AMER3: variants seen among roughly 807,000 people sequenced by gnomAD.
The protein encoded by AMER3 is family with sequence similarity 123C.
For missense variants in AMER3, 1,201 were observed against 1,139.4 expected (o/e 1.05, Z -0.78); for synonymous variants, 541 against 485.5 (o/e 1.11, Z -1.50).
rs953700163 is a variant in AMER3, at chr2:130,765,599, C to A, written c.*941C>A. Reference sequence around the variant, plus strand: ...TATACACACGCACAATGCTTACACACACAGTCAACCTGGGATGCCGGCAGG... The same window carrying A: ...TATACACACGCACAATGCTTACACAAACAGTCAACCTGGGATGCCGGCAGG... On this transcript the variant is annotated 3_prime_UTR_variant, in exon 2 of 2. Coordinates refer to ENST00000321420, the MANE Select transcript of AMER3 (RefSeq NM_152698.3). 1 of 166,984 alleles carries A rather than the reference C, an allele frequency of 6.0e-6. No individual in the cohort carries two copies. Among genetic ancestry groups the A allele is most frequent in the African/African-American group, 2.4e-5 (1 of 41,428 alleles). 10.3% of individuals were successfully genotyped at this position (166,984 alleles called of 1,614,324 possible).
Position 130,764,218 on chromosome 2 carries a change from A to G in AMER3, c.2146A>G (p.Met716Val), listed in dbSNP as rs758476951. The change falls in exon 2 of 2, where the codon ATG (methionine) becomes GTG (valine). Residue 716 changes from methionine (M) to valine (V), a missense_variant. Transcript: ENST00000321420. ...GCAGCGCTGGGCCAGGGGCCCTGAC[A>G]TGCTGGAGCAGAAACAGTCCAGCAG... is the stretch of plus-strand genomic sequence containing the variant. ...FGQRWARGPDMLEQKQSSSSP... is the reference protein window; with the variant it reads ...FGQRWARGPDVLEQKQSSSSP... The G allele has an allele frequency of 4.3e-6, 7 of 1,609,434 alleles. No homozygotes were observed. In the East Asian group the frequency reaches 1.3e-4, roughly 31 times the overall value.
intron 1 of AMER3, among the ~76,000 whole-genome samples, chr2:130,760,388 C>T (rs1440678132): frequency 6.6e-6 from 1 of 152,346 alleles, no homozygotes; most frequent in South Asian, 2.1e-4. Flanking sequence ...AGTCCCTCGC[C>T]CCCCTGGGTC....
Position 130,762,431 on chromosome 2 carries a change from C to A in AMER3, c.359C>A (p.Ser120Tyr). The A allele has an allele frequency of 1.2e-6, 2 of 1,612,706 alleles. No individual in the cohort carries two copies. Among genetic ancestry groups the A allele is most frequent in the Admixed American group, 3.3e-5 (2 of 60,024 alleles). The stretch of plus-strand genomic sequence containing the variant: ...GTGGGCAGTGCAAGCTTCCCGGGCT[C>A]CCCGGGCAGCCGGCGCATGATCGAC... The part of the protein sequence containing the change: ...QLVGSASFPG[S>Y]PGSRRMIDYR... The change falls in exon 2 of 2, where the codon TCC becomes TAC. Residue 120 changes from serine (S) to tyrosine (Y), a missense_variant. Coordinates refer to ENST00000321420, the MANE Select transcript of AMER3 (RefSeq NM_152698.3).
At position 130,762,325 on chromosome 2, in the gene AMER3, A is replaced by T; in HGVS notation, c.253A>T (p.Thr85Ser). The stretch of plus-strand genomic sequence containing the variant: ...GGGACCCGCAGCCCTCTGTGGAGCC[A>T]CCTTCAAACCGGTGCGAAAGTGCAA... The part of the protein sequence containing the change: ...KGGPAALCGA[T>S]FKPVRKCKTH... Residue 85 changes from threonine (T) to serine (S), a missense_variant, in exon 2 of 2, where the codon ACC (threonine) becomes TCC (serine). By Grantham distance (58) the Thr-to-Ser change is moderately conservative. Coordinates refer to ENST00000321420, the MANE Select transcript of AMER3 (RefSeq NM_152698.3). 1 of 1,609,482 alleles carries T rather than the reference A, an allele frequency of 6.2e-7. No individual in the cohort carries two copies. The highest frequency in any genetic ancestry group is 8.5e-7 in the Non-Finnish European group (1 of 1,178,498).
At position 130,762,034 on chromosome 2, in the gene AMER3, C is replaced by T. The variant is rs1338177402; in HGVS notation, c.-19-20C>T. The T allele has an allele frequency of 5.7e-6, 9 of 1,589,802 alleles. No homozygotes were observed. The East Asian group carries it at 1.6e-4, about 28-fold the overall frequency. The stretch of plus-strand genomic sequence containing the variant: ...GCCCTCCCGTCTATGATACTGAGTG[C>T]CTCCTGCTTTCCTCCACAGCAGCTG... On this transcript the variant is annotated intron_variant, in intron 1 of 1. Coordinates refer to ENST00000321420, the MANE Select transcript of AMER3 (RefSeq NM_152698.3).
In AMER3 at chr2:130,764,347, C is replaced by A. The variant is rs1300776456; in HGVS notation, c.2275C>A (p.Pro759Thr). The stretch of plus-strand genomic sequence containing the variant: ...GGACCTGAGCTGGCTCAGGGTGGAG[C>A]CCACCGGGCTAGGTGTCCAGGCCTG... ...VQDLSWLRVE[P>T]TGLGVQAWAS... The change falls in exon 2 of 2, where the codon CCC becomes ACC. Residue 759 changes from proline to threonine, a missense_variant. Transcript: ENST00000321420. 6.2e-7 allele frequency: 1 copy of A among 1,610,262 alleles called. No homozygotes were observed. The highest frequency in any genetic ancestry group is 8.5e-7 in the Non-Finnish European group (1 of 1,177,598).
chr2:130,763,217 C>T lies in AMER3; in HGVS notation c.1145C>T (p.Thr382Ile). The change falls in exon 2 of 2, where the codon ACA (threonine) becomes ATA (isoleucine). Residue 382 changes from threonine (T) to isoleucine (I), a missense_variant. Transcript: ENST00000321420. ...AGCGAGCAGCCCGAATCCGTGTCCA[C>T]AAGTGACGAGGGCTACTATGATTCC... is the stretch of plus-strand genomic sequence containing the variant. ...PKSEQPESVS[T>I]SDEGYYDSFS... The T allele has an allele frequency of 6.2e-7, 1 of 1,613,856 alleles. No individual in the cohort carries two copies. Among genetic ancestry groups the T allele is most frequent in the Non-Finnish European group, 8.5e-7 (1 of 1,180,018 alleles).
In AMER3 at chr2:130,759,104, C is replaced by A. The variant is rs6761750; in HGVS notation, c.-19-2950C>A. 7.0e-3 allele frequency among the ~76,000 whole-genome samples: 1,069 copies of A among 152,338 alleles called. 14 individuals are homozygous for A. Among genetic ancestry groups the A allele is most frequent in the African/African-American group, 0.025 (1,020 of 41,568 alleles). On this transcript the variant is annotated intron_variant, in intron 1 of 1. Coordinates refer to ENST00000321420, the MANE Select transcript of AMER3 (RefSeq NM_152698.3). The stretch of plus-strand genomic sequence containing the variant: ...ATATGGATTTGGACTGGACCGAACA[C>A]AGACTAGAGTTCATGGGATGCTCCA...
chr2:130,756,095 C>G (rs1229895905), intron 1 of AMER3, among the ~76,000 whole-genome samples: 1 of 150,798 alleles, frequency 6.6e-6, no homozygotes, highest in African/African-American at 2.4e-5. Context: ...CGCAGGGAGG[C>G]GGCAGCCTGG....
intron 1 of AMER3, among the ~76,000 whole-genome samples, chr2:130,759,167 C>T (rs1339496628): frequency 3.9e-5 from 6 of 152,234 alleles, no homozygotes; most frequent in African/African-American, 9.6e-5. Flanking sequence ...CTGTATCCTA[C>T]ACTTATTGTC....
chr2:130,758,175 T>C (rs887267707), intron 1 of AMER3, among the ~76,000 whole-genome samples: 1 of 145,896 alleles, frequency 6.9e-6, no homozygotes, highest in African/African-American at 2.6e-5. Context: ...CTGGCCAACA[T>C]GATGAAACCC....
In AMER3 at chr2:130,763,750, T is replaced by G. The variant is rs373003700; in HGVS notation, c.1678T>G (p.Cys560Gly). Residue 560 changes from cysteine to glycine, a missense_variant, in exon 2 of 2, where the codon TGC becomes GGC. Cys to Gly is a radical substitution (Grantham distance 159). Transcript: ENST00000321420. ...LASDAGGATVCSAPSRQELWA... is the reference protein window; with the variant it reads ...LASDAGGATVGSAPSRQELWA... ...CTCAGATGCAGGGGGGGCGACAGTTTGCTCAGCACCCAGCAGGCAGGAGCT... is the reference window on the plus strand; with the variant it reads ...CTCAGATGCAGGGGGGGCGACAGTTGGCTCAGCACCCAGCAGGCAGGAGCT... The G allele has an allele frequency of 3.2e-5, 51 of 1,589,250 alleles. No homozygotes were observed. The highest frequency in any genetic ancestry group is 2.6e-6 in the Non-Finnish European group (3 of 1,168,276).
Position 130,764,185 on chromosome 2 carries a change from C to T in AMER3, c.2113C>T (p.Leu705Phe). ...WPPRQDMGSG[L>F]FGQRWARGPD... ...TCCAAGGCAAGACATGGGCAGTGGG[C>T]TCTTTGGGCAGCGCTGGGCCAGGGG... Residue 705 changes from leucine to phenylalanine, a missense_variant, in exon 2 of 2, where the codon CTC becomes TTC. Transcript: ENST00000321420. The T allele has an allele frequency of 6.2e-7, 1 of 1,607,726 alleles. No individual in the cohort carries two copies. The highest frequency in any genetic ancestry group is 8.5e-7 in the Non-Finnish European group (1 of 1,176,590).
Position 130,763,682 on chromosome 2 carries a change from C to G in AMER3, c.1610C>G (p.Pro537Arg). The change falls in exon 2 of 2, where the codon CCT becomes CGT. Residue 537 changes from proline to arginine, a missense_variant. Physicochemically the swap from Pro to Arg is moderately radical, Grantham distance 103. Coordinates refer to ENST00000321420, the MANE Select transcript of AMER3 (RefSeq NM_152698.3). Reference protein sequence around the residue: ...PAAPPGSQGAPRAPTEKLGGR... With the variant: ...PAAPPGSQGARRAPTEKLGGR... ...GCTCCACCTGGTTCCCAGGGAGCCC[C>G]TAGGGCACCCACAGAGAAGCTGGGG... is the stretch of plus-strand genomic sequence containing the variant. 2.6e-6 allele frequency: 4 copies of G among 1,535,170 alleles called. No individual in the cohort carries two copies. Among genetic ancestry groups the G allele is most frequent in the Middle Eastern group, 1.8e-4 (1 of 5,564 alleles).
chr2:130,763,735 G>T lies in AMER3; in HGVS notation c.1663G>T (p.Gly555Trp). Residue 555 changes from glycine (G) to tryptophan (W), a missense_variant, in exon 2 of 2, where the codon GGG becomes TGG. By Grantham distance (184) the Gly-to-Trp change is radical. Coordinates refer to ENST00000321420, the MANE Select transcript of AMER3 (RefSeq NM_152698.3). Reference sequence around the variant, plus strand: ...CAGGGAGGGCCTGGCCTCAGATGCAGGGGGGGCGACAGTTTGCTCAGCACC... The same window carrying T: ...CAGGGAGGGCCTGGCCTCAGATGCATGGGGGGCGACAGTTTGCTCAGCACC... The part of the protein sequence containing the change: ...GGREGLASDA[G>W]GATVCSAPSR... 6.3e-7 allele frequency: 1 copy of T among 1,580,190 alleles called. No individual in the cohort carries two copies. Among genetic ancestry groups the T allele is most frequent in the Non-Finnish European group, 8.6e-7 (1 of 1,164,938 alleles).
chr2:130,756,970 A>G (rs1247386795), intron 1 of AMER3, among the ~76,000 whole-genome samples: 1 of 151,800 alleles, frequency 6.6e-6, no homozygotes, highest in Admixed American at 6.6e-5. Flanking sequence ...CTTTTTTATC[A>G]CCATACACTC....
rs753191925 is a variant in AMER3 at position 130,762,445 on chromosome 2, C to T, written c.373C>T (p.Arg125Cys). 7.4e-6 allele frequency: 12 copies of T among 1,612,802 alleles called. No individual in the cohort carries two copies. The highest frequency in any genetic ancestry group is 1.3e-5 in the African/African-American group (1 of 74,946). The change falls in exon 2 of 2, where the codon CGC becomes TGC. Residue 125 changes from arginine to cysteine, a missense_variant. Arg to Cys is a radical substitution (Grantham distance 180). Coordinates refer to ENST00000321420, the MANE Select transcript of AMER3 (RefSeq NM_152698.3). ...ASFPGSPGSR[R>C]MIDYRHFVPQ... The stretch of plus-strand genomic sequence containing the variant: ...CTTCCCGGGCTCCCCGGGCAGCCGG[C>T]GCATGATCGACTACCGCCACTTTGT...
chr2:130,758,081 C>A (rs1678665076), intron 1 of AMER3, among the ~76,000 whole-genome samples: 1 of 152,022 alleles, frequency 6.6e-6, no homozygotes, highest in Admixed American at 6.6e-5. Flanking sequence ...TTGCAGTGAG[C>A]CAAGATCACG....
In AMER3 at chr2:130,762,311, C is replaced by T. The variant is rs752044425; in HGVS notation, c.239C>T (p.Ala80Val). ...CTGGACCCCAAAGGGGGACCCGCAG[C>T]CCTCTGTGGAGCCACCTTCAAACCG... ...AQLDPKGGPA[A>V]LCGATFKPVR... The change falls in exon 2 of 2, where the codon GCC (alanine) becomes GTC (valine). Residue 80 changes from alanine (A) to valine (V), a missense_variant. Physicochemically the swap from Ala to Val is moderately conservative, Grantham distance 64. Transcript: ENST00000321420. 3.1e-6 allele frequency: 5 copies of T among 1,605,646 alleles called. No individual in the cohort carries two copies. The highest frequency in any genetic ancestry group is 1.1e-5 in the South Asian group (1 of 89,876).
Sources: allele counts gnomAD v4.1 joint callset (sites outside exome capture counted in the v4.1 genomes callset), GRCh38; gene constraint gnomAD v4.1.1; transcripts MANE v1.5; gene names NCBI Gene and HGNC (gene_info 2026-07-23, HGNC 2026-07-21).